IL16: variants seen among roughly 807,000 people sequenced by gnomAD.
IL16 encodes the protein pro-interleukin-16.
Under a neutral mutation model 110.1 loss-of-function variants are expected in IL16, and 67 were observed. The ratio of observed to expected loss-of-function variants is 0.61; its 90% CI spans 0.50 to 0.75. The LOEUF (loss-of-function observed/expected upper bound fraction) is 0.75. Among genes scored for constraint, IL16 ranks in the 30% least tolerant of loss-of-function variants. The pLI, the probability that IL16 is intolerant of heterozygous loss-of-function variation, is 0.00. For synonymous variants in IL16, 689 were observed against 662.9 expected (o/e 1.04, Z -0.61); for missense variants, 1,545 against 1,655.0 (o/e 0.93, Z 1.15).
chr15:81,225,166 C>A (rs1896744816), intron 1 of IL16, 133 bp from the exon 2 acceptor site: 2 of 705,308 alleles, frequency 2.8e-6, no homozygotes, highest in Non-Finnish European at 4.5e-6. Flanking sequence ...GGCCAGTGAT[C>A]TTAAAGGATG....
Position 81,240,611 on chromosome 15 carries a change from G to A in IL16, c.312+14900G>A, listed in dbSNP as rs149569502. Among the ~76,000 whole-genome samples, 45 of 152,040 alleles carry A rather than the reference G, an allele frequency of 3.0e-4. No homozygotes were observed. In the East Asian group the frequency reaches 7.7e-3, roughly 26 times the overall value. ...TTTCATTTCCCTGATTACTAATAACGTTGTACGTATATAAACCTTTTTTCA... is the reference window on the plus strand; with the variant it reads ...TTTCATTTCCCTGATTACTAATAACATTGTACGTATATAAACCTTTTTTCA... On this transcript the variant is annotated intron_variant, in intron 2 of 18. Coordinates refer to ENST00000683961, the MANE Select transcript of IL16 (RefSeq NM_172217.5).
At chr15:81,194,968 T>C (rs905751860), upstream of IL16, among the ~76,000 whole-genome samples, 3 of 152,032 alleles carry the variant, frequency 2.0e-5, no homozygotes, top group African/African-American at 7.2e-5. Flanking sequence ...TTCCTCCCCG[T>C]CTCTTCTGGC....
At chr15:81,240,314 T>C (rs1019012811) in intron 2 of IL16, among the ~76,000 whole-genome samples, 1 of 152,074 alleles carries the variant, frequency 6.6e-6, no homozygotes, top group African/African-American at 2.4e-5. Context: ...TATACTTCCA[T>C]GGGCATTCTT....
In IL16 at chr15:81,278,477, C is replaced by A. The variant is rs75539126; in HGVS notation, c.791-340C>A. Among the ~76,000 whole-genome samples, 1,405 of 152,256 alleles carry A rather than the reference C, an allele frequency of 9.2e-3. 15 individuals carry two copies. The highest frequency in any genetic ancestry group is 0.032 in the African/African-American group (1,332 of 41,528). On this transcript the variant is annotated intron_variant, in intron 6 of 18. Transcript: ENST00000683961. Reference sequence around the variant, plus strand: ...ATTGTGGAAAATGCAGGTCGTGTTGCATCAGAAAATGATGCATGGGAGCAA... The same window carrying A: ...ATTGTGGAAAATGCAGGTCGTGTTGAATCAGAAAATGATGCATGGGAGCAA...
intron 12 of IL16, chr15:81,295,622 CT>C: frequency 1.2e-5 from 8 of 674,428 alleles, no homozygotes; most frequent in African/African-American, 1.9e-5. Flanking sequence ...CTCAGCCTTA[CT>C]TTTTTTAAGG....
intron 8 of IL16, 141 bp downstream of exon 8, chr15:81,279,915 G>A: frequency 1.4e-6 from 1 of 694,606 alleles, no homozygotes; most frequent in South Asian, 1.8e-5. Context: ...CTTGGAGCCA[G>A]GTCGAGTCTT....
intron 16 of IL16, 115 bp from the exon 17 acceptor site, chr15:81,305,793 A>G: frequency 7.8e-7 from 1 of 1,289,924 alleles, no homozygotes; most frequent in Non-Finnish European, 1.1e-6. Context: ...ATTATCTTTA[A>G]TCTTTGTTGG....
upstream of IL16, among the ~76,000 whole-genome samples, chr15:81,192,362 A>C (rs1400193677): frequency 6.6e-6 from 1 of 152,164 alleles, no homozygotes; most frequent in Non-Finnish European, 1.5e-5. Flanking sequence ...GCACTTTGGG[A>C]GGCCAAGGAA....
upstream of IL16, among the ~76,000 whole-genome samples, chr15:81,196,520 T>C (rs959431441): frequency 5.9e-5 from 9 of 152,208 alleles, no homozygotes. Flanking sequence ...GCTGGGATTA[T>C]AGGCACGTGC....
At chr15:81,198,177 CCA>C (rs1200994932) in intron 1 of IL16, among the ~76,000 whole-genome samples, 2 of 152,128 alleles carry the variant, frequency 1.3e-5, no homozygotes, top group Non-Finnish European at 2.9e-5. Flanking sequence ...TATTCAATCC[CCA>C]GTGAGTCTTT....
chr15:81,284,022 AAGAGAGAG>A (rs71451572), intron 9 of IL16, among the ~76,000 whole-genome samples: 1 of 146,190 alleles, frequency 6.8e-6, no homozygotes, highest in South Asian at 2.1e-4. Context: ...AAAAAAAAAA[AAGAGAGAG>A]AGAAGATATC....
At chr15:81,273,017 C>T in intron 5 of IL16, 73 bp from the exon 6 acceptor site, 1 of 1,221,324 alleles carries the variant, frequency 8.2e-7, no homozygotes, top group Non-Finnish European at 1.2e-6. Context: ...TGAGGCAGGC[C>T]CTCAGAAGGC....
intron 4 of IL16, among the ~76,000 whole-genome samples, chr15:81,268,032 T>C (rs1012318744): frequency 2.0e-5 from 3 of 152,242 alleles, no homozygotes; most frequent in African/African-American, 7.2e-5. Flanking sequence ...GATTTCACAT[T>C]GTCTTCATAA....
chr15:81,204,951 C>A (rs1192821524), intron 1 of IL16, among the ~76,000 whole-genome samples: 2 of 151,852 alleles, frequency 1.3e-5, no homozygotes, highest in African/African-American at 4.8e-5. Context: ...TGACAGGCCA[C>A]AAAACAAGAC....
At chr15:81,255,238 A>G (rs972698942) in intron 2 of IL16, among the ~76,000 whole-genome samples, 1 of 152,204 alleles carries the variant, frequency 6.6e-6, no homozygotes, top group Non-Finnish European at 1.5e-5. Context: ...TGTGTTTCAT[A>G]GGAAATTGCT....
intron 2 of IL16, among the ~76,000 whole-genome samples, chr15:81,239,676 C>G (rs193278848): frequency 2.9e-4 from 44 of 152,318 alleles, no homozygotes; most frequent in African/African-American, 9.6e-4. Context: ...TCTTGGCACC[C>G]TGGTTGTGGA....
At chr15:81,269,689 G>C (rs749984779) in intron 5 of IL16, 41 bp downstream of exon 5, 5 of 1,404,582 alleles carry the variant, frequency 3.6e-6, no homozygotes, top group Admixed American at 1.7e-5. Flanking sequence ...CTGGGGGGCA[G>C]CACCAGTCTC....
chr15:81,212,164 A>G (rs1419731193), intron 1 of IL16, among the ~76,000 whole-genome samples: 1 of 151,566 alleles, frequency 6.6e-6, no homozygotes, highest in Non-Finnish European at 1.5e-5. Context: ...CTTATTACTG[A>G]TTCAATTTCA....
intron 2 of IL16, among the ~76,000 whole-genome samples, chr15:81,238,585 CT>C (rs1897248608): frequency 6.6e-6 from 1 of 151,606 alleles, no homozygotes; most frequent in Non-Finnish European, 1.5e-5. Flanking sequence ...GTTTTAAGTA[CT>C]TTCTCTATAT....
Sources: allele counts gnomAD v4.1 joint callset (sites outside exome capture counted in the v4.1 genomes callset), GRCh38; gene constraint gnomAD v4.1.1; transcripts MANE v1.5; gene names NCBI Gene and HGNC (gene_info 2026-07-23, HGNC 2026-07-21).